Variants in ZNF385B observed in about 807,000 individuals in gnomAD.
ZNF385B encodes zinc finger protein 533.
Under a neutral mutation model 39.2 loss-of-function variants are expected in ZNF385B, and 23 were observed. The ratio of observed to expected loss-of-function variants is 0.59; its 90% confidence interval spans 0.42 to 0.83. The LOEUF is 0.83. Ranked by LOEUF, ZNF385B falls within the 40% of genes least tolerant of loss-of-function variation. ZNF385B has a pLI of 0.00. For synonymous variants in ZNF385B, 205 were observed against 222.6 expected (o/e 0.92, Z 0.70); for missense variants, 552 against 598.9 (o/e 0.92, Z 0.82).
intron 6 of ZNF385B, among the ~76,000 whole-genome samples, chr2:179,479,858 TA>T (rs1177025523): frequency 6.6e-6 from 1 of 151,850 alleles, no homozygotes; most frequent in Non-Finnish European, 1.5e-5. Context: ...AATAAATAAA[TA>T]AAAAAGTTCA....
intron 3 of ZNF385B, among the ~76,000 whole-genome samples, chr2:179,743,287 G>T (rs1326180809): frequency 6.6e-6 from 1 of 151,820 alleles, no homozygotes; most frequent in East Asian, 1.9e-4. Flanking sequence ...ATCTGATGAT[G>T]ATTTGTGACA....
intron 1 of ZNF385B, among the ~76,000 whole-genome samples, chr2:179,798,669 T>A (rs1705836136): frequency 6.6e-6 from 1 of 152,080 alleles, no homozygotes; most frequent in Non-Finnish European, 1.5e-5. Context: ...TAATTTAAAT[T>A]CTTTTTACCT....
chr2:179,828,774 T>C (rs1260509969), intron 1 of ZNF385B, among the ~76,000 whole-genome samples: 1 of 152,314 alleles, frequency 6.6e-6, no homozygotes, highest in Non-Finnish European at 1.5e-5. Context: ...TTCACAAAAC[T>C]GGCATGATTT....
chr2:179,507,711 C>G (rs1191243222), intron 5 of ZNF385B, among the ~76,000 whole-genome samples: 1 of 152,200 alleles, frequency 6.6e-6, no homozygotes, highest in Non-Finnish European at 1.5e-5. Flanking sequence ...CTTCTCCTAA[C>G]TCCCTGTTCA....
chr2:179,453,518 T>G (rs1313055630), intron 6 of ZNF385B, among the ~76,000 whole-genome samples: 2 of 152,158 alleles, frequency 1.3e-5, no homozygotes, highest in East Asian at 3.9e-4. Flanking sequence ...AAGCTAGAAA[T>G]GGAGGTAAGA....
At chr2:179,724,762 C>G (rs970926141) in intron 3 of ZNF385B, among the ~76,000 whole-genome samples, 1 of 152,112 alleles carries the variant, frequency 6.6e-6, no homozygotes, top group African/African-American at 2.4e-5. Context: ...TATTTTGACT[C>G]TTTAAGACAA....
At chr2:179,782,329 A>G (rs1704717156) in intron 1 of ZNF385B, among the ~76,000 whole-genome samples, 1 of 152,150 alleles carries the variant, frequency 6.6e-6, no homozygotes, top group South Asian at 2.1e-4. Context: ...TTGAAGGAAC[A>G]TATCTCCAAA....
At chr2:179,620,277 T>C (rs1160949971) in intron 3 of ZNF385B, among the ~76,000 whole-genome samples, 1 of 152,210 alleles carries the variant, frequency 6.6e-6, no homozygotes, top group Non-Finnish European at 1.5e-5. Flanking sequence ...TTGTAACTTG[T>C]TGACTCCTAT....
chr2:179,731,932 A>T (rs1205453306), intron 3 of ZNF385B, among the ~76,000 whole-genome samples: 2 of 152,230 alleles, frequency 1.3e-5, no homozygotes, highest in Non-Finnish European at 2.9e-5. Flanking sequence ...AGTCCCACAA[A>T]GCCACCACAC....
Position 179,781,703 on chromosome 2 carries a change from T to C in ZNF385B, c.-154-11031A>G, listed in dbSNP as rs193111512. Among the ~76,000 whole-genome samples the C allele has an allele frequency of 1.4e-4, 21 of 152,228 alleles. 1 individual carries two copies. Among genetic ancestry groups the C allele is most frequent in the Admixed American group, 1.2e-3 (19 of 15,270 alleles). On this transcript the variant is annotated intron_variant, in intron 1 of 9. Transcript: ENST00000410066. ...TACGAACACCTCTATATACTCTATA[T>C]ACACAAAGTAGAAAGCCTAGAAGAG... is the stretch of plus-strand genomic sequence containing the variant.
intron 3 of ZNF385B, among the ~76,000 whole-genome samples, chr2:179,667,155 A>G (rs1011869378): frequency 7.9e-5 from 12 of 152,174 alleles, no homozygotes; most frequent in African/African-American, 2.4e-4. Flanking sequence ...AAGATTCTGA[A>G]ATTCAGAGAT....
At chr2:179,806,024 A>C (rs1476790145) in intron 1 of ZNF385B, among the ~76,000 whole-genome samples, 1 of 152,212 alleles carries the variant, frequency 6.6e-6, no homozygotes, top group African/African-American at 2.4e-5. Flanking sequence ...AAAATATCTT[A>C]AACCTGATGA....
chr2:179,570,212 C>G (rs1447394716), intron 3 of ZNF385B, among the ~76,000 whole-genome samples: 3 of 152,140 alleles, frequency 2.0e-5, no homozygotes, highest in Non-Finnish European at 4.4e-5. Context: ...CACCAACGTA[C>G]CACTCCTGCA....
At chr2:179,845,001 CT>C (rs1183353772) in intron 1 of ZNF385B, among the ~76,000 whole-genome samples, 2 of 152,220 alleles carry the variant, frequency 1.3e-5, no homozygotes, top group East Asian at 1.9e-4. Context: ...CTGGGATATT[CT>C]TTTTTTCCAT....
chr2:179,664,991 C>T (rs961215188), intron 3 of ZNF385B, among the ~76,000 whole-genome samples: 1 of 152,042 alleles, frequency 6.6e-6, no homozygotes, highest in Non-Finnish European at 1.5e-5. Flanking sequence ...TTTATAAAAA[C>T]TTGGATTCAG....
chr2:179,540,021 T>C (rs545944229), intron 4 of ZNF385B, among the ~76,000 whole-genome samples: 2 of 152,332 alleles, frequency 1.3e-5, no homozygotes, highest in East Asian at 1.9e-4. Flanking sequence ...TTTAACTAAA[T>C]ACTCTTAAAG....
At chr2:179,835,949 A>G (rs1018417249) in intron 1 of ZNF385B, among the ~76,000 whole-genome samples, 1 of 152,206 alleles carries the variant, frequency 6.6e-6, no homozygotes, top group Non-Finnish European at 1.5e-5. Flanking sequence ...TGTATAATAC[A>G]TACTATTGCC....
chr2:179,724,586 A>G (rs1700889295), intron 3 of ZNF385B, among the ~76,000 whole-genome samples: 1 of 152,208 alleles, frequency 6.6e-6, no homozygotes, highest in South Asian at 2.1e-4. Context: ...TCTAATGGAA[A>G]GCCATTCATA....
intron 6 of ZNF385B, among the ~76,000 whole-genome samples, chr2:179,461,618 T>G (rs1338233776): frequency 1.3e-5 from 2 of 152,224 alleles, no homozygotes; most frequent in African/African-American, 4.8e-5. Flanking sequence ...CCTGGCTATT[T>G]CTAATTCCAT....
Sources: allele counts gnomAD v4.1 joint callset (sites outside exome capture counted in the v4.1 genomes callset), GRCh38; gene constraint gnomAD v4.1.1; transcripts MANE v1.5; gene names NCBI Gene and HGNC (gene_info 2026-07-23, HGNC 2026-07-21).